CCDC192: variants seen among roughly 807,000 people sequenced by gnomAD.
CCDC192 encodes coiled-coil domain containing 192.
chr5:127,870,652 A>G (rs1663590007), intron 5 of CCDC192, among the ~76,000 whole-genome samples: 1 of 152,196 alleles, frequency 6.6e-6, no homozygotes, highest in Non-Finnish European at 1.5e-5. Context: ...CGACTAAACG[A>G]TTGTGAATCC....
intron 2 of CCDC192, among the ~76,000 whole-genome samples, chr5:127,718,834 A>T (rs1299943853): frequency 6.6e-6 from 1 of 152,316 alleles, no homozygotes; most frequent in South Asian, 2.1e-4. Flanking sequence ...GCATAAATAT[A>T]TAATAATCAC....
chr5:127,773,432 T>C (rs1755676181), intron 3 of CCDC192, among the ~76,000 whole-genome samples: 1 of 152,196 alleles, frequency 6.6e-6, no homozygotes, highest in Non-Finnish European at 1.5e-5. Flanking sequence ...TAATTACTCC[T>C]CATATCCTCT....
intron 6 of CCDC192, among the ~76,000 whole-genome samples, chr5:127,899,689 G>A (rs1752988442): frequency 6.6e-6 from 1 of 152,174 alleles, no homozygotes; most frequent in South Asian, 2.1e-4. Context: ...GAAGCCTCAT[G>A]GAGATGCAAA....
intron 3 of CCDC192, among the ~76,000 whole-genome samples, chr5:127,787,973 T>A (rs568400191): frequency 5.1e-4 from 77 of 151,704 alleles, no homozygotes; most frequent in African/African-American, 1.8e-3. Context: ...TCCCAGCTAC[T>A]TGGAAGGCTG....
At chr5:127,819,396 C>T (rs1317346328) in intron 5 of CCDC192, among the ~76,000 whole-genome samples, 1 of 152,172 alleles carries the variant, frequency 6.6e-6, no homozygotes, top group Non-Finnish European at 1.5e-5. Context: ...CATACAAATA[C>T]AGGCGGTTCT....
At chr5:127,811,068 T>G (rs1758054916) in intron 5 of CCDC192, among the ~76,000 whole-genome samples, 1 of 152,170 alleles carries the variant, frequency 6.6e-6, no homozygotes, top group Admixed American at 6.5e-5. Flanking sequence ...ATCAGGCCTC[T>G]TTACATATAA....
chr5:127,725,814 T>G (rs921516565), intron 2 of CCDC192, among the ~76,000 whole-genome samples: 4 of 152,204 alleles, frequency 2.6e-5, no homozygotes, highest in Non-Finnish European at 5.9e-5. Context: ...TAAACTGTGT[T>G]CAATGAAGCT....
At chr5:127,888,951 C>G (rs73331832) in intron 6 of CCDC192, among the ~76,000 whole-genome samples, 322 of 152,240 alleles carry the variant, frequency 2.1e-3, no homozygotes, top group African/African-American at 7.4e-3. Flanking sequence ...AGATGACCTT[C>G]TTTTGAGGTT....
At chr5:127,868,009 C>CTTTTTTTTTTTTT in intron 5 of CCDC192, among the ~76,000 whole-genome samples, 1 of 133,484 alleles carries the variant, frequency 7.5e-6, no homozygotes, top group Admixed American at 7.6e-5. Context: ...TTTTCTTTTT[C>CTTTTTTTTTTTTT]TTTTTTTTTT....
intron 2 of CCDC192, among the ~76,000 whole-genome samples, chr5:127,709,398 C>T (rs975114929): frequency 1.1e-4 from 16 of 152,278 alleles, no homozygotes; most frequent in East Asian, 7.7e-4. Flanking sequence ...CCTCCTGCAA[C>T]GCTGGGAATT....
At chr5:127,772,693 C>T (rs530343492) in intron 3 of CCDC192, among the ~76,000 whole-genome samples, 9 of 152,192 alleles carry the variant, frequency 5.9e-5, no homozygotes, top group African/African-American at 4.8e-5. Flanking sequence ...ATTGCATACC[C>T]GTGTCAGAAA....
At chr5:127,875,104 A>C (rs1752020389) in intron 5 of CCDC192, among the ~76,000 whole-genome samples, 1 of 152,170 alleles carries the variant, frequency 6.6e-6, no homozygotes, top group Non-Finnish European at 1.5e-5. Context: ...TTTGAAAGCA[A>C]ACCATTATGG....
At chr5:127,925,522 G>A (rs1452245814) in intron 6 of CCDC192, among the ~76,000 whole-genome samples, 4 of 152,130 alleles carry the variant, frequency 2.6e-5, no homozygotes, top group Non-Finnish European at 4.4e-5. Context: ...CCATCCTTGA[G>A]TCAATTTCTC....
At chr5:127,773,267 A>G (rs1343658998) in intron 3 of CCDC192, among the ~76,000 whole-genome samples, 2 of 152,182 alleles carry the variant, frequency 1.3e-5, no homozygotes, top group Non-Finnish European at 2.9e-5. Context: ...TTTATTTTCT[A>G]TTTTTAATGG....
intron 6 of CCDC192, among the ~76,000 whole-genome samples, chr5:127,939,559 T>C (rs1013190609): frequency 2.0e-5 from 3 of 152,170 alleles, no homozygotes; most frequent in Non-Finnish European, 4.4e-5. Context: ...TCTCCTCTTA[T>C]CACTTTTATG....
At chr5:127,763,799 T>G (rs1216385400) in intron 3 of CCDC192, among the ~76,000 whole-genome samples, 1 of 152,122 alleles carries the variant, frequency 6.6e-6, no homozygotes, top group African/African-American at 2.4e-5. Flanking sequence ...ATACACCCCT[T>G]TCCCTCTGCT....
chr5:127,935,582 AT>A lies in CCDC192; in HGVS notation c.536-5599del, dbSNP rs1434845713. ...AGCAATGTTTTCACACATTCTAGGT[AT>A]GTTGACCTAATATGAAACCACTCCT... On this transcript the variant is annotated intron_variant, in intron 6 of 6. Coordinates refer to ENST00000514853, the MANE Select transcript of CCDC192 (RefSeq NM_001317938.2). 2.6e-5 allele frequency: 4 copies of A among 152,314 alleles called. No homozygotes were observed. The South Asian group carries it at 8.3e-4, about 32-fold the overall frequency. 9.4% of individuals were successfully genotyped at this position (152,314 alleles called of 1,614,324 possible).
intron 3 of CCDC192, chr5:127,784,995 C>A: frequency 2.1e-6 from 1 of 475,818 alleles, no homozygotes; most frequent in Admixed American, 2.4e-5. Context: ...CTTCCAAGAC[C>A]AATAACTTCA....
At chr5:127,799,881 T>C (rs1343306016) in intron 5 of CCDC192, among the ~76,000 whole-genome samples, 2 of 152,166 alleles carry the variant, frequency 1.3e-5, no homozygotes, top group African/African-American at 4.8e-5. Context: ...TTTGCTTCAA[T>C]GTGTCAAGAA....
Sources: gnomAD v4.1 joint callset for allele counts (sites outside exome capture counted in the v4.1 genomes callset) on GRCh38, gnomAD v4.1.1 for gene constraint, MANE v1.5 for transcripts, NCBI Gene and HGNC (gene_info 2026-07-23, HGNC 2026-07-21) for gene names.